STK33: variants seen among roughly 807,000 people sequenced by gnomAD.
STK33 encodes serine/threonine kinase 33.
STK33 carries 52 observed loss-of-function variants against 58.0 expected under a neutral mutation model. The ratio of observed to expected loss-of-function variants is 0.90; its 90% CI spans 0.72 to 1.13. STK33 has a LOEUF of 1.13. Ranked by LOEUF, STK33 falls within the 50% of genes most tolerant of loss-of-function variation. STK33 has a pLI of 0.00. For synonymous variants in STK33, 215 were observed against 200.1 expected, an observed-to-expected ratio of 1.07 and a Z score of -0.63; for missense variants, 630 against 604.2, an observed-to-expected ratio of 1.04 and a Z score of -0.45.
chr11:8,411,810 C>G (rs900207337), intron 15 of STK33, among the ~76,000 whole-genome samples: 8 of 152,184 alleles, frequency 5.3e-5, no homozygotes, highest in Non-Finnish European at 8.8e-5. Flanking sequence ...AAAATATCAA[C>G]CAACATTCTT....
At chr11:8,496,725 C>A (rs1951086500) in intron 1 of STK33, among the ~76,000 whole-genome samples, 1 of 152,020 alleles carries the variant, frequency 6.6e-6, no homozygotes, top group African/African-American at 2.4e-5. Flanking sequence ...CAGGTGCCCA[C>A]CACCACGCCC....
chr11:8,410,351 C>A (rs1019824661), intron 15 of STK33, among the ~76,000 whole-genome samples: 1 of 152,070 alleles, frequency 6.6e-6, no homozygotes, highest in African/African-American at 2.4e-5. Flanking sequence ...TACTTTCTAG[C>A]CTAGATAAAG....
At chr11:8,573,954 ACT>A (rs901241653) in intron 1 of STK33, among the ~76,000 whole-genome samples, 14 of 152,146 alleles carry the variant, frequency 9.2e-5, no homozygotes, top group Admixed American at 7.9e-4. Context: ...GACAAGGGAG[ACT>A]CAGGGTGATG....
the STK33 span, among the ~76,000 whole-genome samples, chr11:8,340,063 TAGGAGTGCGTTCATAAAC>T: frequency 6.6e-6 from 1 of 152,242 alleles, no homozygotes; most frequent in African/African-American, 2.4e-5. Context: ...CTTTAATGAA[TAGGAGTGCGTTCATAAAC>T]AGCATATCCA....
At chr11:8,409,643 C>G (rs1234284294) in intron 15 of STK33, among the ~76,000 whole-genome samples, 1 of 152,196 alleles carries the variant, frequency 6.6e-6, no homozygotes, top group East Asian at 1.9e-4. Flanking sequence ...CACATTATCA[C>G]TTCTGAAAAT....
chr11:8,480,742 G>A (rs1949730267), intron 1 of STK33, 128 bp from the exon 2 acceptor site: 1 of 152,136 alleles, frequency 6.6e-6, no homozygotes. Flanking sequence ...TGTAGCTAAG[G>A]CAGACAAAAA....
At chr11:8,505,808 G>C (rs181277717) in intron 1 of STK33, among the ~76,000 whole-genome samples, 127 of 152,332 alleles carry the variant, frequency 8.3e-4, no homozygotes, top group Non-Finnish European at 1.5e-3. Flanking sequence ...GAATTAGGCA[G>C]TAGGAAAGGC....
intron 1 of STK33, among the ~76,000 whole-genome samples, chr11:8,514,374 C>T (rs113995665): frequency 0.011 from 1,606 of 152,018 alleles, 18 homozygotes; most frequent in African/African-American, 0.031. Context: ...ACTTAGCCAT[C>T]GTGAATAAAA....
At position 8,448,475 on chromosome 11, in the gene STK33, G is replaced by A. The variant is rs538394302; in HGVS notation, c.871+4347C>T. 6.8e-3 allele frequency among the ~76,000 whole-genome samples: 1,033 copies of A among 152,176 alleles called. 11 individuals are homozygous for A. The highest frequency in any genetic ancestry group is 0.023 in the African/African-American group (945 of 41,486). On this transcript the variant is annotated intron_variant, in intron 11 of 15. Coordinates refer to ENST00000687296, the MANE Select transcript of STK33 (RefSeq NM_001352389.2). ...ACAGAACAGAGCCCTCAGAAATAATGCTGCATATCTACAACCATCTGATCT... is the reference window on the plus strand; with the variant it reads ...ACAGAACAGAGCCCTCAGAAATAATACTGCATATCTACAACCATCTGATCT...
In STK33 at chr11:8,436,092, A is replaced by C. The variant is rs1204866856; in HGVS notation, c.995T>G (p.Phe332Cys). ...TAGTTCTCCTTTTCTTATTAACTCA[A>C]AAAGCTTCTCTTCTGAGCTTGCCAA... is the stretch of plus-strand genomic sequence containing the variant. ...PFLASSEEKL[F>C]ELIRKGELHF... Residue 332 changes from phenylalanine (F) to cysteine (C), a missense_variant, in exon 13 of 16, where the codon TTT (phenylalanine) becomes TGT (cysteine). Transcript: ENST00000687296. The C allele has an allele frequency of 1.3e-6, 2 of 1,596,784 alleles. No homozygotes were observed. Among genetic ancestry groups the C allele is most frequent in the Non-Finnish European group, 1.7e-6 (2 of 1,171,608 alleles).
At chr11:8,560,607 G>T (rs1230037496) in intron 1 of STK33, among the ~76,000 whole-genome samples, 1 of 152,114 alleles carries the variant, frequency 6.6e-6, no homozygotes, top group Non-Finnish European at 1.5e-5. Context: ...TCACTAGGTT[G>T]AGAGTTATGC....
intron 8 of STK33, among the ~76,000 whole-genome samples, chr11:8,459,901 C>T (rs1947312395): frequency 6.6e-6 from 1 of 152,170 alleles, no homozygotes; most frequent in African/African-American, 2.4e-5. Context: ...GCAAAAAGGG[C>T]AGAGGGAACA....
the STK33 span, among the ~76,000 whole-genome samples, chr11:8,380,832 C>T: frequency 6.6e-6 from 1 of 152,168 alleles, no homozygotes; most frequent in African/African-American, 2.4e-5. Flanking sequence ...ACGGAACCAA[C>T]CTAAGTGCCC....
At chr11:8,522,170 T>C (rs1170456110) in intron 1 of STK33, among the ~76,000 whole-genome samples, 1 of 152,156 alleles carries the variant, frequency 6.6e-6, no homozygotes, top group Non-Finnish European at 1.5e-5. Context: ...TAAAGACACA[T>C]GCACATGATG....
intron 1 of STK33, among the ~76,000 whole-genome samples, chr11:8,557,776 GA>G (rs376138159): frequency 0.015 from 2,185 of 143,962 alleles, 57 homozygotes; most frequent in African/African-American, 0.046. Context: ...ACTAAGCTTT[GA>G]AAAAAAAAAA....
At chr11:8,412,488 G>C (rs182699315) in intron 15 of STK33, among the ~76,000 whole-genome samples, 116 of 152,236 alleles carry the variant, frequency 7.6e-4, no homozygotes, top group African/African-American at 2.7e-3. Flanking sequence ...TCAATGAATA[G>C]ATCATGTTAC....
At chr11:8,434,989 A>T (rs1326357298) in intron 14 of STK33, among the ~76,000 whole-genome samples, 1 of 152,218 alleles carries the variant, frequency 6.6e-6, no homozygotes, top group African/African-American at 2.4e-5. Context: ...GGATACGAAG[A>T]TCAGTAAGAC....
At chr11:8,374,549 T>C in the STK33 span, among the ~76,000 whole-genome samples, 1 of 152,146 alleles carries the variant, frequency 6.6e-6, no homozygotes, top group Admixed American at 6.5e-5. Context: ...GAGAGAAGGA[T>C]AGATCATACT....
chr11:8,548,809 A>C (rs1956118142), intron 1 of STK33, among the ~76,000 whole-genome samples: 1 of 152,150 alleles, frequency 6.6e-6, no homozygotes, highest in African/African-American at 2.4e-5. Context: ...TTGCATTATA[A>C]AAAATGGTTA....
Sources: gnomAD v4.1 joint callset for allele counts (sites outside exome capture counted in the v4.1 genomes callset) on GRCh38, gnomAD v4.1.1 for gene constraint, MANE v1.5 for transcripts, NCBI Gene and HGNC (gene_info 2026-07-23, HGNC 2026-07-21) for gene names.